The following SLIT1 variants were observed in gnomAD, a reference collection of about 807,000 sequenced individuals.
SLIT1 encodes the protein slit guidance ligand 1.
A neutral mutation model predicts 186.1 loss-of-function variants in SLIT1; 66 were observed. The ratio of observed to expected loss-of-function variants is 0.35; its 90% CI spans 0.29 to 0.44. The LOEUF (loss-of-function observed/expected upper bound fraction) is 0.44. SLIT1 is among the 20% of genes least tolerant of loss of function. The pLI, the probability that SLIT1 is intolerant of heterozygous loss-of-function variation, is 1.00. For missense variants in SLIT1, 1,638 were observed against 2,037.4 expected, an observed-to-expected ratio of 0.80 and a Z score of 3.77; for synonymous variants, 761 against 833.8, an observed-to-expected ratio of 0.91 and a Z score of 1.50.
intron 4 of SLIT1, among the ~76,000 whole-genome samples, chr10:97,088,880 C>T (rs1427823172): frequency 6.6e-6 from 1 of 152,196 alleles, no homozygotes; most frequent in African/African-American, 2.4e-5. Flanking sequence ...AAAACCCTCC[C>T]CTCATCCTCA....
In SLIT1 at chr10:97,011,052, A is replaced by G. The variant is rs1408842923; in HGVS notation, c.3282T>C (p.Asn1094=). The G allele has an allele frequency of 2.5e-6, 4 of 1,613,900 alleles. No individual in the cohort carries two copies. The African/African-American group carries it at 4.0e-5, about 16-fold the overall frequency. Residue 1094 remains asparagine, a synonymous_variant, in exon 31 of 37, where the codon AAT becomes AAC. Coordinates refer to ENST00000266058, the MANE Select transcript of SLIT1 (RefSeq NM_003061.3). The part of the protein sequence containing the change: ...QDDCRDHRCQ[N]GAQCMDEVNS... ...TGACTTCATCCATACACTGGGCCCC[A>G]TTCTGGCAGCGGTGGTCCCTGCAGT...
At chr10:97,109,765 C>T (rs960261854) in intron 4 of SLIT1, among the ~76,000 whole-genome samples, 2 of 152,164 alleles carry the variant, frequency 1.3e-5, no homozygotes, top group African/African-American at 4.8e-5. Context: ...CATCTCATTT[C>T]CCTTCTGTAG....
In SLIT1 at chr10:97,002,719, G is replaced by A. The variant is rs747690334; in HGVS notation, c.4139C>T (p.Pro1380Leu). 6.3e-7 allele frequency: 1 copy of A among 1,581,068 alleles called. No homozygotes were observed. The highest frequency in any genetic ancestry group is 1.1e-5 in the South Asian group (1 of 87,300). The change falls in exon 35 of 37, where the codon CCC becomes CTC. Residue 1380 changes from proline to leucine, a missense_variant. By Grantham distance (98) the Pro-to-Leu change is moderately conservative. Coordinates refer to ENST00000266058, the MANE Select transcript of SLIT1 (RefSeq NM_003061.3). ...CCAGGCTCACTTGTGGCCATGGCAG[G>A]GGCCGTCAGCGGGCTGGTCACAGTG... ...GLHCDQPADG[P>L]CHGHKCVHGQ...
chr10:97,131,207 C>T (rs977427257), intron 4 of SLIT1, among the ~76,000 whole-genome samples: 1 of 152,216 alleles, frequency 6.6e-6, no homozygotes, highest in Non-Finnish European at 1.5e-5. Context: ...ACAGCCTTCC[C>T]CTTCCTGCAC....
chr10:97,085,422 C>T (rs531508303), intron 4 of SLIT1, among the ~76,000 whole-genome samples: 2 of 151,944 alleles, frequency 1.3e-5, no homozygotes, highest in Admixed American at 6.5e-5. Flanking sequence ...GAGTCTCGCA[C>T]TGTCACCCAG....
chr10:97,140,129 G>A (rs942938208), intron 4 of SLIT1, among the ~76,000 whole-genome samples: 3 of 152,096 alleles, frequency 2.0e-5, no homozygotes, highest in African/African-American at 7.2e-5. Context: ...CTCTGGCTCT[G>A]ACCATGGGGA....
rs562152016 is a variant in SLIT1 at position 97,142,182 on chromosome 10, T to C, written c.413+15636A>G. Among the ~76,000 whole-genome samples the C allele has an allele frequency of 3.4e-4, 40 of 117,380 alleles. 1 individual carries two copies. The South Asian group carries it at 0.011, about 31-fold the overall frequency. The allele number at this position is 117,380 out of a possible 152,430, so 77.0% of individuals were successfully genotyped here. On this transcript the variant is annotated intron_variant, in intron 4 of 36. Coordinates refer to ENST00000266058, the MANE Select transcript of SLIT1 (RefSeq NM_003061.3). Reference sequence around the variant, plus strand: ...AAATACTGCCAAACCAGATCTCTCTTCTTAAAAAAAAACAAAGTTGGAAGA... The same window carrying C: ...AAATACTGCCAAACCAGATCTCTCTCCTTAAAAAAAAACAAAGTTGGAAGA...
In SLIT1 at chr10:97,046,971, C is replaced by T; in HGVS notation, c.1709+20G>A. The T allele has an allele frequency of 6.3e-7, 1 of 1,597,872 alleles. No homozygotes were observed. Among genetic ancestry groups the T allele is most frequent in the Non-Finnish European group, 8.6e-7 (1 of 1,165,320 alleles). ...TGGCCAGCATCCCAACAGACACCTT[C>T]TCGCCAATGGGTAACTCACATTTTC... is the stretch of plus-strand genomic sequence containing the variant. On this transcript the variant is annotated intron_variant, in intron 17 of 36. Coordinates refer to ENST00000266058, the MANE Select transcript of SLIT1 (RefSeq NM_003061.3).
In SLIT1 at chr10:97,010,688, G is replaced by C. The variant is rs887295797; in HGVS notation, c.3341+305C>G. Among the ~76,000 whole-genome samples the C allele has an allele frequency of 1.3e-5, 2 of 152,178 alleles. No homozygotes were observed. Among genetic ancestry groups the C allele is most frequent in the Admixed American group, 6.5e-5 (1 of 15,280 alleles). On this transcript the variant is annotated intron_variant, in intron 31 of 36. Coordinates refer to ENST00000266058, the MANE Select transcript of SLIT1 (RefSeq NM_003061.3). This position sits in a 1 kb window ranked among gnomAD's most constrained non-coding sequence, Gnocchi z 4.8. ...CCAGTGGGCTGGTAGATAATCTTTG[G>C]GGCAAGACATGTCTTCAGAGGCTCA...
In SLIT1 at chr10:97,088,477, T is replaced by C. The variant is rs1289363595; in HGVS notation, c.414-22391A>G. On this transcript the variant is annotated intron_variant, in intron 4 of 36. Coordinates refer to ENST00000266058, the MANE Select transcript of SLIT1 (RefSeq NM_003061.3). ...GGGAGTTCTGGCTTAGGCTAGTCTA[T>C]CATTGGTGACATCTGACCAGTCTGG... Among the ~76,000 whole-genome samples, 3 of 152,324 alleles carry C rather than the reference T, an allele frequency of 2.0e-5. No homozygotes were observed. In the East Asian group the frequency reaches 5.8e-4, roughly 29 times the overall value.
intron 4 of SLIT1, among the ~76,000 whole-genome samples, chr10:97,135,194 A>T (rs1047570553): frequency 2.0e-5 from 3 of 152,202 alleles, no homozygotes; most frequent in Non-Finnish European, 4.4e-5. Context: ...AGGCACAGCC[A>T]AGCAGGCTGG....
chr10:97,032,570 CAAAA>C (rs377278794), intron 23 of SLIT1, among the ~76,000 whole-genome samples: 5 of 120,876 alleles, frequency 4.1e-5, no homozygotes, highest in African/African-American at 1.6e-4. Context: ...CTCCCCATCT[CAAAA>C]AAAAAAAAAA....
At chr10:97,150,629 T>A (rs1367125948) in intron 4 of SLIT1, among the ~76,000 whole-genome samples, 3 of 110,738 alleles carry the variant, frequency 2.7e-5, no homozygotes, top group African/African-American at 1.1e-4. Flanking sequence ...AAAAGGTCAA[T>A]CTTGTTGGGA....
intron 31 of SLIT1, among the ~76,000 whole-genome samples, chr10:97,007,001 G>C (rs1848364914): frequency 1.3e-5 from 2 of 152,152 alleles, no homozygotes; most frequent in South Asian, 4.1e-4. Flanking sequence ...GGTGATTACT[G>C]ACAATGTCAA....
At chr10:97,109,618 G>A (rs1388972387) in intron 4 of SLIT1, among the ~76,000 whole-genome samples, 3 of 152,178 alleles carry the variant, frequency 2.0e-5, no homozygotes, top group African/African-American at 4.8e-5. Context: ...GGGATGAAAC[G>A]ATGGAGTTTG....
rs373756128 is a variant in SLIT1 at position 97,141,658 on chromosome 10, T to C, written c.413+16160A>G. Among the ~76,000 whole-genome samples, 287 of 140,986 alleles carry C rather than the reference T, an allele frequency of 2.0e-3. 1 individual carries two copies. The highest frequency in any genetic ancestry group is 6.9e-3 in the African/African-American group (257 of 37,002). The allele number at this position is 140,986 out of a possible 152,430, so 92.5% of individuals were successfully genotyped here. On this transcript the variant is annotated intron_variant, in intron 4 of 36. Transcript: ENST00000266058. ...TAATGCACTGTATTGCATTGTATTGTATTGCATTGCATTGTATCGTATTGT... is the reference window on the plus strand; with the variant it reads ...TAATGCACTGTATTGCATTGTATTGCATTGCATTGCATTGTATCGTATTGT...
At chr10:97,176,519 C>T (rs918200890) in intron 1 of SLIT1, among the ~76,000 whole-genome samples, 13 of 152,150 alleles carry the variant, frequency 8.5e-5, no homozygotes, top group African/African-American at 3.1e-4. Context: ...AGCTCCCATG[C>T]CTGTCCTCTC....
rs148595978 is a variant in SLIT1, at chr10:97,025,477, C to T, written c.2583-4064G>A. Among the ~76,000 whole-genome samples, 185 of 152,266 alleles carry T rather than the reference C, an allele frequency of 1.2e-3. 1 individual carries two copies. The highest frequency in any genetic ancestry group is 4.3e-3 in the African/African-American group (178 of 41,566). ...TTCATTTATCCAAAGGCTGGATTTT[C>T]GGGGCTGAGGACTGCCTTGCCCTCT... On this transcript the variant is annotated intron_variant, in intron 25 of 36. Transcript: ENST00000266058.
intron 4 of SLIT1, among the ~76,000 whole-genome samples, chr10:97,118,155 A>T (rs1443101332): frequency 6.6e-6 from 1 of 152,240 alleles, no homozygotes; most frequent in East Asian, 1.9e-4. Flanking sequence ...TGAATATCAC[A>T]TAATACTCAG....
Sources: gnomAD v4.1 joint callset for allele counts (sites outside exome capture counted in the v4.1 genomes callset) on GRCh38, gnomAD v4.1.1 for gene constraint, Gnocchi (gnomAD v3.1) non-coding constraint, MANE v1.5 for transcripts, NCBI Gene and HGNC (gene_info 2026-07-23, HGNC 2026-07-21) for gene names.